The following CDCP1 variants were observed in gnomAD, a reference collection of about 807,000 sequenced individuals.
CDCP1 encodes the protein CUB domain containing protein 1.
A neutral mutation model predicts 60.2 loss-of-function variants in CDCP1; 29 were observed. The ratio of observed to expected loss-of-function variants is 0.48; its 90% CI spans 0.36 to 0.66. CDCP1 has a LOEUF of 0.66. Ranked by LOEUF, CDCP1 falls within the 30% of genes least tolerant of loss-of-function variation. The pLI, the probability that CDCP1 is intolerant of heterozygous loss-of-function variation, is 0.00. For synonymous variants in CDCP1, 387 were observed against 431.1 expected (o/e 0.90, Z 1.27); for missense variants, 876 against 1,074.3 (o/e 0.82, Z 2.58).
At chr3:45,094,460 C>A (rs910604173) in intron 5 of CDCP1, among the ~76,000 whole-genome samples, 8 of 152,052 alleles carry the variant, frequency 5.3e-5, no homozygotes, top group Non-Finnish European at 8.8e-5. Flanking sequence ...ACCAGCCTGC[C>A]CAACCTCAAG....
At chr3:45,143,029 C>T (rs938419448) in intron 1 of CDCP1, among the ~76,000 whole-genome samples, 1 of 152,156 alleles carries the variant, frequency 6.6e-6, no homozygotes, top group African/African-American at 2.4e-5. Context: ...ATGGTGAAAC[C>T]CCGTTTCTAC....
chr3:45,118,135 C>A (rs893445399), intron 2 of CDCP1, among the ~76,000 whole-genome samples: 5 of 152,224 alleles, frequency 3.3e-5, no homozygotes, highest in Admixed American at 2.0e-4. Context: ...TACCTGGGTT[C>A]TTCTCCTGAT....
intron 1 of CDCP1, among the ~76,000 whole-genome samples, chr3:45,124,941 T>A (rs976478176): frequency 1.3e-5 from 2 of 152,168 alleles, no homozygotes; most frequent in Non-Finnish European, 2.9e-5. Context: ...AATGAACATT[T>A]GCCTGTCTGT....
At position 45,095,330 on chromosome 3, in the gene CDCP1, C is replaced by T. The variant is rs1559776664; in HGVS notation, c.1246+17G>A. ...CTATCCATGGCCAGGGACAAATGCA[C>T]TGATTCAGGGGCGTACTTATGGTTT... On this transcript the variant is annotated intron_variant, in intron 5 of 8. Transcript: ENST00000296129. 1 of 1,609,978 alleles carries T rather than the reference C, an allele frequency of 6.2e-7. No individual in the cohort carries two copies. Among genetic ancestry groups the T allele is most frequent in the Non-Finnish European group, 8.5e-7 (1 of 1,176,428 alleles).
chr3:45,102,554 C>T (rs2125993764), intron 4 of CDCP1, among the ~76,000 whole-genome samples: 1 of 150,488 alleles, frequency 6.6e-6, no homozygotes, highest in Non-Finnish European at 1.5e-5. Flanking sequence ...CCTGTAATCC[C>T]AGCACTTTGG....
intron 4 of CDCP1, 95 bp from the exon 5 acceptor site, chr3:45,095,663 A>T: frequency 1.1e-6 from 1 of 941,062 alleles, no homozygotes; most frequent in East Asian, 2.5e-5. Flanking sequence ...GAGGAAGAAA[A>T]TGGCATATCA....
Position 45,110,138 on chromosome 3 carries a change from C to T in CDCP1, c.1024+335G>A, listed in dbSNP as rs139445542. 15 of 1,035,876 alleles carry T rather than the reference C, an allele frequency of 1.4e-5. No individual in the cohort carries two copies. The East Asian group carries it at 3.1e-4, about 22-fold the overall frequency. The allele number at this position is 1,035,876 out of a possible 1,614,324, so 64.2% of individuals were successfully genotyped here. A position where few individuals can be genotyped will look rare whatever the true frequency, so the allele number is the denominator to read the frequency against. On this transcript the variant is annotated intron_variant, in intron 4 of 8. Coordinates refer to ENST00000296129, the MANE Select transcript of CDCP1 (RefSeq NM_022842.5). ...TAAAACTGTAAGTTCCCATCATCAT[C>T]GCTGATGGTGCGGGTGACATCCTCA...
Position 45,110,774 on chromosome 3 carries a change from T to C in CDCP1, c.723A>G (p.Pro241=). The C allele has an allele frequency of 6.2e-7, 1 of 1,614,184 alleles. No individual in the cohort carries two copies. The highest frequency in any genetic ancestry group is 2.2e-5 in the East Asian group (1 of 44,886). Residue 241 remains proline, a synonymous_variant, in exon 4 of 9, where the codon CCA becomes CCG. Coordinates refer to ENST00000296129, the MANE Select transcript of CDCP1 (RefSeq NM_022842.5). ...GSATLMSANY[P]EGFPEDELMT... ...TGAGCTCATCCTCAGGGAAGCCTTC[T>C]GGGTAGTTGGCAGACATCAGGGTTG...
At chr3:45,124,999 A>G (rs750660619) in intron 1 of CDCP1, among the ~76,000 whole-genome samples, 6 of 152,164 alleles carry the variant, frequency 3.9e-5, no homozygotes, top group Admixed American at 2.6e-4. Flanking sequence ...ACTTCAAGGT[A>G]CTCTGAAGAC....
intron 5 of CDCP1, among the ~76,000 whole-genome samples, chr3:45,094,716 G>GT (rs897083728): frequency 4.0e-5 from 6 of 151,060 alleles, no homozygotes; most frequent in African/African-American, 1.2e-4. Context: ...GGTGTGGGGT[G>GT]TGGGGGGATG....
At chr3:45,087,514 C>T (rs774077305) in intron 8 of CDCP1, among the ~76,000 whole-genome samples, 3 of 152,122 alleles carry the variant, frequency 2.0e-5, no homozygotes, top group African/African-American at 4.8e-5. Context: ...TTCCGTGCAC[C>T]GCAGATGGGA....
At chr3:45,130,955 C>G (rs1389537933) in intron 1 of CDCP1, among the ~76,000 whole-genome samples, 1 of 152,132 alleles carries the variant, frequency 6.6e-6, no homozygotes, top group Non-Finnish European at 1.5e-5. Context: ...CAGCCTTGAC[C>G]TCCCGGGCTC....
chr3:45,101,872 G>A (rs2125993482), intron 4 of CDCP1, among the ~76,000 whole-genome samples: 1 of 131,804 alleles, frequency 7.6e-6, no homozygotes, highest in Admixed American at 8.1e-5. Flanking sequence ...GGCAACAAGA[G>A]TGAAACTCCA....
chr3:45,130,313 G>A (rs1259271863), intron 1 of CDCP1, among the ~76,000 whole-genome samples: 2 of 151,426 alleles, frequency 1.3e-5, no homozygotes, highest in East Asian at 3.9e-4. Context: ...TAGAGCCAGG[G>A]TATCACTATG....
chr3:45,112,515 A>C (rs1189035942), intron 2 of CDCP1, 70 bp from the exon 3 acceptor site: 2 of 1,558,690 alleles, frequency 1.3e-6, no homozygotes, highest in Non-Finnish European at 8.7e-7. Flanking sequence ...CTCCTCCACC[A>C]CTCAGCCCCC....
intron 1 of CDCP1, among the ~76,000 whole-genome samples, chr3:45,122,789 G>A (rs1466667134): frequency 6.6e-6 from 1 of 152,202 alleles, no homozygotes; most frequent in African/African-American, 2.4e-5. Context: ...TGGAAATGAT[G>A]TATTCATTCG....
chr3:45,084,480 A>C lies in CDCP1; in HGVS notation c.*1158T>G, dbSNP rs867519876. ...CTTCCTGGTGGGCTTTGTAAGTCAA[A>C]GAGGGAAGTGGGAGGGCCAGTGTCA... On this transcript the variant is annotated 3_prime_UTR_variant, in exon 9 of 9. Coordinates refer to ENST00000296129, the MANE Select transcript of CDCP1 (RefSeq NM_022842.5). The C allele has an allele frequency of 3.3e-5, 5 of 152,306 alleles. No homozygotes were observed. Among genetic ancestry groups the C allele is most frequent in the Middle Eastern group, 3.4e-3 (1 of 292 alleles). The allele number at this position is 152,306 out of a possible 1,614,324, so 9.4% of individuals were successfully genotyped here. A position where few individuals can be genotyped will look rare whatever the true frequency, so the allele number is the denominator to read the frequency against.
At chr3:45,128,455 G>C (rs751203650) in intron 1 of CDCP1, among the ~76,000 whole-genome samples, 1 of 152,204 alleles carries the variant, frequency 6.6e-6, no homozygotes, top group Non-Finnish European at 1.5e-5. Context: ...AGACATCAGG[G>C]TCCCACCCCC....
intron 7 of CDCP1, 82 bp from the exon 8 acceptor site, chr3:45,089,223 G>T: frequency 2.7e-6 from 3 of 1,112,542 alleles, no homozygotes; most frequent in East Asian, 2.5e-5. Context: ...TCCAAAAGCA[G>T]CTGCCATCTC....
Sources: allele counts gnomAD v4.1 joint callset (sites outside exome capture counted in the v4.1 genomes callset), GRCh38; gene constraint gnomAD v4.1.1; transcripts MANE v1.5; gene names NCBI Gene and HGNC (gene_info 2026-07-23, HGNC 2026-07-21).